The following TRAPPC10 variants were observed in gnomAD, a reference collection of about 807,000 sequenced individuals.
The protein encoded by TRAPPC10 is trafficking protein particle complex subunit 10.
A neutral mutation model predicts 125.5 loss-of-function variants in TRAPPC10; 23 were observed. The ratio of observed to expected loss-of-function variants is 0.18; its 90% CI spans 0.13 to 0.26. The LOEUF (loss-of-function observed/expected upper bound fraction) is 0.26, where lower values mean the gene tolerates loss of function less well. TRAPPC10 is among the 10% of genes least tolerant of loss of function. The pLI, the probability that TRAPPC10 is intolerant of heterozygous loss-of-function variation, is 1.00. For missense variants in TRAPPC10, 1,123 were observed against 1,308.4 expected (o/e 0.86, Z 2.19); for synonymous variants, 509 against 518.0 (o/e 0.98, Z 0.24).
Position 44,013,312 on chromosome 21 carries a change from A to G in TRAPPC10, c.67+752A>G, listed in dbSNP as rs143167224. 5.3e-3 allele frequency among the ~76,000 whole-genome samples: 802 copies of G among 152,360 alleles called. 5 individuals are homozygous for G. The highest frequency in any genetic ancestry group is 0.018 in the African/African-American group (744 of 41,590). ...CTAAATTTTAGAAGTGTGACTCTCC[A>G]GAGTTAAATACGGTTAAGAACAGTG... On this transcript the variant is annotated intron_variant, in intron 1 of 22. Transcript: ENST00000291574.
intron 3 of TRAPPC10, among the ~76,000 whole-genome samples, chr21:44,051,519 C>G (rs958293227): frequency 6.6e-6 from 1 of 152,128 alleles, no homozygotes; most frequent in Non-Finnish European, 1.5e-5. Context: ...TTTCCTGGTT[C>G]TTTATGGAAG....
chr21:44,064,303 ATGTG>A (rs10526131), intron 7 of TRAPPC10, among the ~76,000 whole-genome samples: 4,180 of 148,226 alleles, frequency 0.028, 93 homozygotes, highest in African/African-American at 0.048. Flanking sequence ...TGTCATAAAT[ATGTG>A]TGTGTGTGTG....
At position 44,081,966 on chromosome 21, in the gene TRAPPC10, G is replaced by A. The variant is rs186959444; in HGVS notation, c.1724-822G>A. Reference sequence around the variant, plus strand: ...TCTGTGGAGTCTTTAACGCGCCCAAGCTGACTGTTGGTAGAGCCGTGACCA... The same window carrying A: ...TCTGTGGAGTCTTTAACGCGCCCAAACTGACTGTTGGTAGAGCCGTGACCA... On this transcript the variant is annotated intron_variant, in intron 13 of 22. Coordinates refer to ENST00000291574, the MANE Select transcript of TRAPPC10 (RefSeq NM_003274.5). 2.0e-5 allele frequency among the ~76,000 whole-genome samples: 3 copies of A among 152,296 alleles called. No individual in the cohort carries two copies. The East Asian group carries it at 5.8e-4, about 29-fold the overall frequency.
intron 14 of TRAPPC10, 139 bp downstream of exon 14, chr21:44,083,441 A>G: frequency 1.1e-6 from 1 of 903,258 alleles, no homozygotes. Flanking sequence ...GTCCTTATAC[A>G]AAAATACACT....
intron 6 of TRAPPC10, chr21:44,060,068 G>A (rs2035917485): frequency 6.5e-6 from 1 of 154,574 alleles, no homozygotes; most frequent in Non-Finnish European, 1.4e-5. Flanking sequence ...ATGAAGTGTG[G>A]GGACGGTCAG....
At chr21:44,048,747 G>A (rs1373701500) in intron 3 of TRAPPC10, among the ~76,000 whole-genome samples, 1 of 150,356 alleles carries the variant, frequency 6.7e-6, no homozygotes, top group Non-Finnish European at 1.5e-5. Flanking sequence ...GCCCACCTCA[G>A]CCTCCCAAAG....
chr21:44,091,902 CT>C lies in TRAPPC10; in HGVS notation c.2871-16del. ...AAAGTTCTTACATATCAAAATAATA[CT>C]TTTTGTTTTTCCACTTTAGGAAATA... On this transcript the variant is annotated intron_variant, in intron 18 of 22. Coordinates refer to ENST00000291574, the MANE Select transcript of TRAPPC10 (RefSeq NM_003274.5). 1 of 1,610,370 alleles carries C rather than the reference CT, an allele frequency of 6.2e-7. No homozygotes were observed.
chr21:44,069,539 T>G (rs1467246114), intron 7 of TRAPPC10, among the ~76,000 whole-genome samples: 2 of 152,120 alleles, frequency 1.3e-5, no homozygotes, highest in African/African-American at 4.8e-5. Context: ...TGGCGCTCAT[T>G]CACTGATGGT....
intron 7 of TRAPPC10, among the ~76,000 whole-genome samples, chr21:44,069,113 T>C (rs1287697252): frequency 1.3e-5 from 2 of 152,208 alleles, no homozygotes; most frequent in Admixed American, 6.5e-5. Context: ...TTGGCAAATA[T>C]TCCTTAAATA....
intron 15 of TRAPPC10, among the ~76,000 whole-genome samples, chr21:44,084,734 C>T (rs2146130044): frequency 6.6e-6 from 1 of 152,318 alleles, no homozygotes; most frequent in Non-Finnish European, 1.5e-5. Flanking sequence ...CCCCCCCTTC[C>T]CATGCCAGCC....
At chr21:44,056,008 G>A in intron 5 of TRAPPC10, 115 bp downstream of exon 5, 1 of 969,884 alleles carries the variant, frequency 1.0e-6, no homozygotes, top group Non-Finnish European at 1.4e-6. Context: ...CTCATTGGCA[G>A]AGTTTTTAAA....
chr21:44,065,337 G>T (rs1344219144), intron 7 of TRAPPC10, among the ~76,000 whole-genome samples: 1 of 152,176 alleles, frequency 6.6e-6, no homozygotes, highest in African/African-American at 2.4e-5. Context: ...GGGCCGGGAA[G>T]TCACAGGTAT....
intron 3 of TRAPPC10, chr21:44,046,357 C>T (rs116185441): frequency 7.4e-4 from 205 of 275,408 alleles, no homozygotes; most frequent in African/African-American, 4.2e-3. Flanking sequence ...TTAGACAGTC[C>T]GCTGTTGTCC....
In TRAPPC10 at chr21:44,080,032, G is replaced by A. The variant is rs757441295; in HGVS notation, c.1628G>A (p.Ser543Asn). ...GQIENYLQTS[S>N]LLASDHHLTE... ...CGCTCCAGCTACCTGCAGACCAGCA[G>A]CCTCTTAGCCAGTGACCACCACCTC... The change falls in exon 13 of 23, where the codon AGC (serine) becomes AAC (asparagine). Residue 543 changes from serine (S) to asparagine (N), a missense_variant. This residue lies in a region of TRAPPC10 where 840 missense variants were observed against 902.0 expected (regional missense o/e 0.93). Transcript: ENST00000291574. The A allele has an allele frequency of 6.2e-7, 1 of 1,614,088 alleles. No individual in the cohort carries two copies. The highest frequency in any genetic ancestry group is 8.5e-7 in the Non-Finnish European group (1 of 1,180,012).
intron 6 of TRAPPC10, among the ~76,000 whole-genome samples, chr21:44,060,783 T>C (rs2035978500): frequency 6.6e-6 from 1 of 151,698 alleles, no homozygotes; most frequent in Admixed American, 6.6e-5. Context: ...ATATTTTTAG[T>C]AGAAACGGGG....
intron 6 of TRAPPC10, among the ~76,000 whole-genome samples, chr21:44,061,854 T>C (rs2036082759): frequency 6.6e-6 from 1 of 152,230 alleles, no homozygotes; most frequent in East Asian, 1.9e-4. Context: ...CTTGAGGTCA[T>C]ATCATAGGAG....
chr21:44,066,897 T>G (rs969483703), intron 7 of TRAPPC10, among the ~76,000 whole-genome samples: 34 of 152,240 alleles, frequency 2.2e-4, no homozygotes, highest in African/African-American at 8.2e-4. Flanking sequence ...TGATGCCTGT[T>G]TTCCTGCACC....
chr21:44,094,265 G>T (rs74526507), intron 20 of TRAPPC10, 32 bp downstream of exon 20: 3 of 1,520,354 alleles, frequency 2.0e-6, no homozygotes. Flanking sequence ...GAGGGTGGGG[G>T]TGAAAAAATG....
At chr21:44,049,481 T>C (rs1380136325) in intron 3 of TRAPPC10, among the ~76,000 whole-genome samples, 3 of 152,152 alleles carry the variant, frequency 2.0e-5, no homozygotes, top group Admixed American at 1.3e-4. Flanking sequence ...CCTCCTCACC[T>C]CACTTGATCT....
Sources: allele counts gnomAD v4.1 joint callset (sites outside exome capture counted in the v4.1 genomes callset), GRCh38; gene constraint gnomAD v4.1.1; regional missense constraint gnomAD v4.1.1; transcripts MANE v1.5; gene names NCBI Gene and HGNC (gene_info 2026-07-23, HGNC 2026-07-21).